The following TANC2 variants were observed in gnomAD, a reference collection of about 807,000 sequenced individuals.
TANC2 encodes the protein protein TANC2.
A neutral mutation model predicts 210.5 loss-of-function variants in TANC2; 26 were observed. That is an observed-to-expected ratio of 0.12 (90% confidence interval 0.09 to 0.17). The LOEUF (loss-of-function observed/expected upper bound fraction) is 0.17. Among genes scored for constraint, TANC2 ranks in the 10% least tolerant of loss-of-function variants. The probability of loss-of-function intolerance (pLI) is 1.00; values close to 1 mark genes in which losing one functional copy is unlikely to be tolerated. For missense variants in TANC2, 2,129 were observed against 2,608.9 expected (o/e 0.82, Z 4.01); for synonymous variants, 931 against 967.1 (o/e 0.96, Z 0.69).
intron 5 of TANC2, among the ~76,000 whole-genome samples, chr17:63,189,519 A>C (rs953027003): frequency 6.6e-6 from 1 of 152,196 alleles, no homozygotes; most frequent in Non-Finnish European, 1.5e-5. Context: ...TATGTCAAAC[A>C]TCCTTTCATG....
chr17:63,189,000 T>G (rs931895425), intron 5 of TANC2, among the ~76,000 whole-genome samples: 6 of 152,182 alleles, frequency 3.9e-5, no homozygotes, highest in Non-Finnish European at 2.9e-5. Context: ...ATTTGCCTAT[T>G]CCAGACATTT....
intron 10 of TANC2, among the ~76,000 whole-genome samples, chr17:63,315,272 T>A (rs941545714): frequency 2.0e-5 from 3 of 152,234 alleles, no homozygotes; most frequent in African/African-American, 7.2e-5. Context: ...ATGTGCCAGA[T>A]ACTCTCTTAA....
chr17:63,278,932 G>A (rs973838445), intron 9 of TANC2, among the ~76,000 whole-genome samples: 1 of 152,142 alleles, frequency 6.6e-6, no homozygotes, highest in Non-Finnish European at 1.5e-5. Flanking sequence ...TGGTTGCCAG[G>A]AGCTGGGGGA....
chr17:63,309,607 T>G (rs917416741), intron 9 of TANC2, among the ~76,000 whole-genome samples: 6 of 152,196 alleles, frequency 3.9e-5, no homozygotes, highest in Non-Finnish European at 8.8e-5. Context: ...TGTTTTATGG[T>G]TATTTCAAGA....
chr17:63,064,996 A>G (rs1169997267), intron 2 of TANC2, among the ~76,000 whole-genome samples: 3 of 152,060 alleles, frequency 2.0e-5, no homozygotes, highest in African/African-American at 4.8e-5. Context: ...CATTTCTCCT[A>G]TCAAACTAAA....
chr17:63,269,284 C>T (rs181564024), intron 9 of TANC2, among the ~76,000 whole-genome samples: 30 of 152,190 alleles, frequency 2.0e-4, no homozygotes, highest in Middle Eastern at 6.8e-3. Flanking sequence ...TGTCATATAC[C>T]AGTTGCATGG....
At chr17:63,101,383 A>G (rs149650161) in intron 4 of TANC2, among the ~76,000 whole-genome samples, 20 of 152,340 alleles carry the variant, frequency 1.3e-4, no homozygotes, top group Non-Finnish European at 2.1e-4. Flanking sequence ...ATTTCCATAC[A>G]TTCAAACTTT....
At chr17:63,395,911 A>G in exon 18 of TANC2, 1 of 1,608,752 alleles carries the variant, frequency 6.2e-7, no homozygotes, top group Non-Finnish European at 8.5e-7. Context: ...TGCTGCAGCC[A>G]GCATGGGTTA....
intron 4 of TANC2, among the ~76,000 whole-genome samples, chr17:63,116,506 C>G (rs2038256733): frequency 6.6e-6 from 1 of 152,134 alleles, no homozygotes; most frequent in Non-Finnish European, 1.5e-5. Flanking sequence ...GACCAGTAAC[C>G]CTGTCTTACA....
chr17:63,284,597 G>A (rs1361226168), intron 9 of TANC2, among the ~76,000 whole-genome samples: 1 of 151,850 alleles, frequency 6.6e-6, no homozygotes, highest in Admixed American at 6.6e-5. Context: ...TAATTTCACT[G>A]TTATCAAAGA....
chr17:63,096,605 C>A (rs894848151), intron 3 of TANC2, among the ~76,000 whole-genome samples: 4 of 152,114 alleles, frequency 2.6e-5, no homozygotes, highest in African/African-American at 9.7e-5. Flanking sequence ...CTAGATAATA[C>A]TTCATTGTAT....
intron 4 of TANC2, among the ~76,000 whole-genome samples, chr17:63,104,097 A>G (rs1407863595): frequency 7.9e-5 from 12 of 152,182 alleles, no homozygotes; most frequent in African/African-American, 2.2e-4. Context: ...TATTGTTTCA[A>G]GTAATAAAAG....
chr17:63,117,104 C>CT (rs747815144), intron 4 of TANC2: 13 of 152,252 alleles, frequency 8.5e-5, no homozygotes, highest in Admixed American at 1.3e-4. Flanking sequence ...TATGGTGCTG[C>CT]TTTTTTCCTC....
At chr17:63,413,493 C>T (rs1396972855) in intron 24 of TANC2, 50 bp from the exon 25 acceptor site, 14 of 1,471,226 alleles carry the variant, frequency 9.5e-6, no homozygotes, top group Admixed American at 6.1e-5. Flanking sequence ...CTTCCTACCA[C>T]CCTTACATTG....
intron 21 of TANC2, among the ~76,000 whole-genome samples, chr17:63,407,752 G>A (rs896002158): frequency 1.1e-4 from 16 of 152,120 alleles, no homozygotes; most frequent in African/African-American, 3.6e-4. Context: ...CTTAAAAAGC[G>A]GAGAATCCTG....
At chr17:63,111,791 T>G (rs1022367513) in intron 4 of TANC2, among the ~76,000 whole-genome samples, 1 of 152,194 alleles carries the variant, frequency 6.6e-6, no homozygotes, top group Non-Finnish European at 1.5e-5. Context: ...AGTGGCACAA[T>G]CTCAGCTCAC....
At chr17:62,992,750 C>T (rs1048386646) in intron 1 of TANC2, among the ~76,000 whole-genome samples, 2 of 152,176 alleles carry the variant, frequency 1.3e-5, no homozygotes, top group Non-Finnish European at 2.9e-5. Context: ...TAACATATGA[C>T]ATATGTAACT....
chr17:63,223,028 C>T (rs2042237121), intron 7 of TANC2, among the ~76,000 whole-genome samples: 1 of 152,128 alleles, frequency 6.6e-6, no homozygotes, highest in Non-Finnish European at 1.5e-5. Flanking sequence ...AGAAGCCAGA[C>T]ACAAAAGGCC....
At chr17:63,330,658 T>C (rs2045808229) in intron 11 of TANC2, among the ~76,000 whole-genome samples, 1 of 152,226 alleles carries the variant, frequency 6.6e-6, no homozygotes, top group African/African-American at 2.4e-5. Flanking sequence ...TTCCAGACTG[T>C]TAAACATGGG....
Sources: gnomAD v4.1 joint callset for allele counts (sites outside exome capture counted in the v4.1 genomes callset) on GRCh38, gnomAD v4.1.1 for gene constraint, MANE v1.5 for transcripts, NCBI Gene and HGNC (gene_info 2026-07-23, HGNC 2026-07-21) for gene names.